The following TATDN3 variants were observed in gnomAD, a reference collection of about 807,000 sequenced individuals.
TATDN3 encodes deoxyribonuclease TATDN3.
TATDN3 carries 29 observed loss-of-function variants against 40.1 expected under a neutral mutation model. The observed-to-expected ratio is 0.72, with a 90% CI of 0.54 to 0.99. TATDN3 has a LOEUF of 0.99. TATDN3 is among the 50% of genes least tolerant of loss of function. The pLI is 0.00. For synonymous variants in TATDN3, 105 were observed against 117.0 expected (o/e 0.90, Z 0.66); for missense variants, 309 against 321.9 (o/e 0.96, Z 0.31).
intron 8 of TATDN3, among the ~76,000 whole-genome samples, chr1:212,809,310 A>G (rs1433182341): frequency 2.6e-5 from 4 of 152,228 alleles, no homozygotes; most frequent in Non-Finnish European, 5.9e-5. Flanking sequence ...TGATTGTACA[A>G]TTTTGTGAAT....
intron 9 of TATDN3, 118 bp downstream of exon 9, chr1:212,812,446 A>G: frequency 1.7e-6 from 1 of 598,788 alleles, no homozygotes; most frequent in Non-Finnish European, 2.9e-6. Context: ...ATACTGCCAG[A>G]TTGAGGGCTT....
chr1:212,810,302 G>C (rs991249553), intron 8 of TATDN3, among the ~76,000 whole-genome samples: 5 of 152,024 alleles, frequency 3.3e-5, no homozygotes, highest in Non-Finnish European at 7.4e-5. Flanking sequence ...GACGTGGTCA[G>C]GAGATCAAGA....
At chr1:212,804,221 C>T (rs1263199158) in intron 5 of TATDN3, 99 bp from the exon 6 acceptor site, 1 of 726,834 alleles carries the variant, frequency 1.4e-6, no homozygotes, top group Non-Finnish European at 2.2e-6. Context: ...TGCTTTTGTG[C>T]CTCACATTAT....
At chr1:212,813,463 AATT>A (rs1341062428) in intron 9 of TATDN3, among the ~76,000 whole-genome samples, 4 of 152,200 alleles carry the variant, frequency 2.6e-5, no homozygotes, top group Non-Finnish European at 5.9e-5. Context: ...GAACAGTAGC[AATT>A]ATTATCCGTT....
intron 7 of TATDN3, 145 bp from the exon 8 acceptor site, chr1:212,807,591 G>A (rs75454233): frequency 5.5e-4 from 302 of 551,346 alleles, no homozygotes; most frequent in African/African-American, 2.1e-3. Flanking sequence ...TTTGAACACC[G>A]TACATTTATC....
intron 8 of TATDN3, among the ~76,000 whole-genome samples, chr1:212,809,632 C>G (rs911578531): frequency 2.6e-5 from 4 of 151,764 alleles, no homozygotes; most frequent in Non-Finnish European, 4.4e-5. Context: ...CTGCAGTGAG[C>G]CGAGATCGCG....
At chr1:212,792,905 G>A (rs1247010630) in intron 1 of TATDN3, 1 of 152,178 alleles carries the variant, frequency 6.6e-6, no homozygotes, top group Admixed American at 6.6e-5. Context: ...GATTAAGGGG[G>A]GTTTTATTTC....
intron 4 of TATDN3, among the ~76,000 whole-genome samples, chr1:212,800,523 T>C (rs1352463189): frequency 6.6e-6 from 1 of 152,090 alleles, no homozygotes; most frequent in African/African-American, 2.4e-5. Flanking sequence ...CTTGTTCCAC[T>C]TTACTAATTT....
At chr1:212,804,285 C>G in intron 5 of TATDN3, 35 bp from the exon 6 acceptor site, 1 of 1,528,288 alleles carries the variant, frequency 6.5e-7, no homozygotes, top group Non-Finnish European at 9.0e-7. Context: ...TTCCTTAAAC[C>G]TAAATATGTA....
In TATDN3 at chr1:212,796,997, A is replaced by G. The variant is rs149432101; in HGVS notation, c.174-115A>G. On this transcript the variant is annotated intron_variant, in intron 3 of 9. Coordinates refer to ENST00000366974, the MANE Select transcript of TATDN3 (RefSeq NM_001042552.3). ...GTGATCCACCTGGTTCAGCCTCCCA[A>G]AGTGCTGGAATTACAGACATAAGCC... 5.3e-6 allele frequency: 4 copies of G among 758,158 alleles called. No individual in the cohort carries two copies. The African/African-American group carries it at 6.9e-5, about 13-fold the overall frequency. 47.0% of individuals were successfully genotyped at this position (758,158 alleles called of 1,614,324 possible).
chr1:212,810,343 T>A (rs562016306), intron 8 of TATDN3, among the ~76,000 whole-genome samples: 2 of 151,766 alleles, frequency 1.3e-5, no homozygotes, highest in Admixed American at 1.3e-4. Flanking sequence ...AAACCCCGTC[T>A]CTACTAAAAA....
At chr1:212,812,876 A>C (rs1662971544) in intron 9 of TATDN3, among the ~76,000 whole-genome samples, 1 of 151,990 alleles carries the variant, frequency 6.6e-6, no homozygotes, top group Non-Finnish European at 1.5e-5. Flanking sequence ...GTGGTGGCAC[A>C]TGCGCCTGTA....
At chr1:212,809,340 T>C (rs1662722023) in intron 8 of TATDN3, among the ~76,000 whole-genome samples, 1 of 152,196 alleles carries the variant, frequency 6.6e-6, no homozygotes, top group African/African-American at 2.4e-5. Context: ...AACACTGGAT[T>C]GTGTACTTTT....
intron 5 of TATDN3, among the ~76,000 whole-genome samples, 194 bp downstream of exon 5, chr1:212,802,957 C>A (rs1662254774): frequency 6.6e-6 from 1 of 152,062 alleles, no homozygotes; most frequent in South Asian, 2.1e-4. Context: ...AAAAGCCTTA[C>A]CATAGGCCTA....
intron 8 of TATDN3, among the ~76,000 whole-genome samples, chr1:212,810,622 G>A (rs1371952806): frequency 6.6e-6 from 1 of 151,968 alleles, no homozygotes; most frequent in Non-Finnish European, 1.5e-5. Flanking sequence ...AGGAGATGGA[G>A]GGTCCAGTGA....
rs368918179 is a variant in TATDN3 at position 212,804,449 on chromosome 1, A to C, written c.431+20A>C. 5.9e-4 allele frequency: 939 copies of C among 1,595,444 alleles called. 3 individuals are homozygous for C. The Middle Eastern group carries it at 0.013, about 23-fold the overall frequency. The stretch of plus-strand genomic sequence containing the variant: ...GCCTGTGTAGGTTAATTATTTTCCT[A>C]TGTTAATAGCTATAGAGCAAATTAA... On this transcript the variant is annotated intron_variant, in intron 6 of 9. Transcript: ENST00000366974.
intron 1 of TATDN3, among the ~76,000 whole-genome samples, chr1:212,792,227 A>T (rs1352280311): frequency 6.6e-6 from 1 of 151,712 alleles, no homozygotes; most frequent in Non-Finnish European, 1.5e-5. Flanking sequence ...TGCTCTTCTG[A>T]GTTCCTGGAA....
At chr1:212,804,875 A>C (rs1186182655) in intron 7 of TATDN3, among the ~76,000 whole-genome samples, 1 of 152,242 alleles carries the variant, frequency 6.6e-6, no homozygotes, top group East Asian at 1.9e-4. Context: ...GAAAAGTTGA[A>C]TACAATAATT....
At position 212,797,164 on chromosome 1, in the gene TATDN3, C is replaced by A. The variant is rs868130556; in HGVS notation, c.226C>A (p.Pro76Thr). The change falls in exon 4 of 10, where the codon CCA (proline) becomes ACA (threonine). Residue 76 changes from proline to threonine, a missense_variant. Transcript: ENST00000366974. Reference sequence around the variant, plus strand: ...GGGTGTTCATCCAGTTCAAGGACTTCCACCAGAAGACCAAAGAAGTGTCAC... The same window carrying A: ...GGGTGTTCATCCAGTTCAAGGACTTACACCAGAAGACCAAAGAAGTGTCAC... ...CLGVHPVQGL[P>T]PEDQRSVTLK... 6.2e-7 allele frequency: 1 copy of A among 1,613,914 alleles called. No individual in the cohort carries two copies. The highest frequency in any genetic ancestry group is 8.5e-7 in the Non-Finnish European group (1 of 1,179,998).
Sources: gnomAD v4.1 joint callset for allele counts (sites outside exome capture counted in the v4.1 genomes callset) on GRCh38, gnomAD v4.1.1 for gene constraint, MANE v1.5 for transcripts, NCBI Gene and HGNC (gene_info 2026-07-23, HGNC 2026-07-21) for gene names.